Variants in GSE1 observed in about 807,000 individuals in gnomAD.
The protein encoded by GSE1 is Gse1 coiled-coil protein.
GSE1 carries 32 observed loss-of-function variants against 112.6 expected under a neutral mutation model. The observed-to-expected ratio is 0.28, with a 90% CI of 0.21 to 0.38. The LOEUF (loss-of-function observed/expected upper bound fraction) is 0.38, where lower values mean the gene tolerates loss of function less well. Among genes scored for constraint, GSE1 ranks in the 10% least tolerant of loss-of-function variants. The probability of loss-of-function intolerance (pLI) is 1.00; values close to 1 mark genes in which losing one functional copy is unlikely to be tolerated. For synonymous variants in GSE1, 1,115 were observed against 735.6 expected (o/e 1.52, Z -8.35); for missense variants, 2,348 against 1,699.2 (o/e 1.38, Z -6.71).
intron 1 of GSE1, chr16:85,594,219 G>A (rs1413617906): frequency 8.0e-5 from 8 of 100,060 alleles, no homozygotes; most frequent in Admixed American, 1.1e-4. Flanking sequence ...GCCTGGGCCC[G>A]ATCCCTGGGG....
chr16:85,175,595 C>T (rs560425670), intron 1 of GSE1, among the ~76,000 whole-genome samples: 24 of 152,202 alleles, frequency 1.6e-4, no homozygotes, highest in Non-Finnish European at 3.1e-4. Context: ...GCTGCTGGCG[C>T]GACGCTGGGT....
chr16:85,237,967 C>G (rs574931273), intron 1 of GSE1, among the ~76,000 whole-genome samples: 69 of 152,230 alleles, frequency 4.5e-4, no homozygotes, highest in African/African-American at 1.3e-3. Flanking sequence ...TTGCTCATCA[C>G]TAGTTGAATG....
At chr16:85,616,072 T>A (rs952348453) in intron 1 of GSE1, among the ~76,000 whole-genome samples, 3 of 152,230 alleles carry the variant, frequency 2.0e-5, no homozygotes, top group Admixed American at 1.3e-4. Flanking sequence ...AAGCCAAGCC[T>A]GCCTGTGGGC....
intron 1 of GSE1, among the ~76,000 whole-genome samples, chr16:85,336,610 T>A (rs2046491203): frequency 6.6e-6 from 1 of 152,032 alleles, no homozygotes; most frequent in African/African-American, 2.4e-5. Context: ...ACAATTTTTT[T>A]TTTTTTTTCG....
At chr16:85,641,309 G>A (rs374833918) in intron 2 of GSE1, among the ~76,000 whole-genome samples, 7 of 152,142 alleles carry the variant, frequency 4.6e-5, no homozygotes, top group East Asian at 3.9e-4. Flanking sequence ...CACATAATCC[G>A]CCCCCGGCAA....
chr16:85,614,657 C>T (rs1017000934), intron 1 of GSE1, among the ~76,000 whole-genome samples: 3 of 152,186 alleles, frequency 2.0e-5, no homozygotes, highest in Non-Finnish European at 2.9e-5. Context: ...GAGCACCTGC[C>T]GGGTTCCCAG....
intron 1 of GSE1, among the ~76,000 whole-genome samples, chr16:85,331,773 C>G (rs544322763): frequency 6.9e-6 from 1 of 145,136 alleles, no homozygotes; most frequent in African/African-American, 2.6e-5. Context: ...GTCTCAAACT[C>G]CTGACCTCAA....
intron 2 of GSE1, among the ~76,000 whole-genome samples, chr16:85,539,502 C>T (rs1324955636): frequency 6.6e-6 from 1 of 152,194 alleles, no homozygotes; most frequent in African/African-American, 2.4e-5. Flanking sequence ...CGAGCCAAGG[C>T]TATGAGTTGT....
At position 85,657,520 on chromosome 16, in the gene GSE1, G is replaced by C. The variant is rs755552118; in HGVS notation, c.1556G>C (p.Arg519Pro). The C allele has an allele frequency of 4.4e-6, 7 of 1,604,506 alleles. No individual in the cohort carries two copies. Among genetic ancestry groups the C allele is most frequent in the South Asian group, 2.2e-5 (2 of 90,064 alleles). Residue 519 changes from arginine to proline, a missense_variant, in exon 8 of 16, where the codon CGG becomes CCG. Arg to Pro is a moderately radical substitution (Grantham distance 103). Transcript: ENST00000253458. ...EDRQSQVSEF[R>P]QQVLEQHLDM... ...CGGCAGTCTCAGGTGTCCGAGTTCC[G>C]GCAGCAGGTGCTGGAGCAGCACCTG...
chr16:85,609,814 A>C (rs2047886858), upstream of GSE1, among the ~76,000 whole-genome samples: 1 of 152,052 alleles, frequency 6.6e-6, no homozygotes, highest in South Asian at 2.1e-4. Context: ...GCCACCATGC[A>C]GGGCTAATTT....
intron 1 of GSE1, among the ~76,000 whole-genome samples, chr16:85,255,023 G>A (rs1326496711): frequency 6.6e-6 from 1 of 152,248 alleles, no homozygotes; most frequent in Admixed American, 6.5e-5. Flanking sequence ...TGCCGCGGGC[G>A]GTCTCTGCAG....
intron 1 of GSE1, among the ~76,000 whole-genome samples, chr16:85,180,385 C>T (rs1253935708): frequency 6.6e-6 from 1 of 152,236 alleles, no homozygotes; most frequent in African/African-American, 2.4e-5. Flanking sequence ...GCCACGCTAT[C>T]CTGCCCATCA....
chr16:85,546,920 C>A (rs1483288439), intron 2 of GSE1, among the ~76,000 whole-genome samples: 1 of 152,210 alleles, frequency 6.6e-6, no homozygotes, highest in Non-Finnish European at 1.5e-5. Flanking sequence ...GGCAGATGGC[C>A]ACGTCCGATG....
intron 2 of GSE1, among the ~76,000 whole-genome samples, chr16:85,532,257 T>C (rs1477115939): frequency 2.0e-5 from 3 of 152,186 alleles, no homozygotes; most frequent in Non-Finnish European, 2.9e-5. Flanking sequence ...GTGGTAGAGC[T>C]GGGATCATTT....
intron 1 of GSE1, among the ~76,000 whole-genome samples, chr16:85,355,146 G>T (rs574771174): frequency 1.3e-5 from 2 of 152,290 alleles, no homozygotes; most frequent in African/African-American, 4.8e-5. Context: ...CAGAGCTGGT[G>T]GGGCCTGCGC....
rs764135404 is a variant in GSE1 at position 85,627,665 on chromosome 16, GCCCCCGGC to G, written c.8-6230_8-6223del. On this transcript the variant is annotated intron_variant, in intron 1 of 15. Coordinates refer to ENST00000253458, the MANE Select transcript of GSE1 (RefSeq NM_014615.5). Reference sequence around the variant, plus strand: ...AGAGAGCTTGTACAGTGCGGAGACAGCCCCCGGCCCCCCGGCCCCCCGGCCCTCATCCG... The same window carrying G: ...AGAGAGCTTGTACAGTGCGGAGACAGCCCCCGGCCCCCCGGCCCTCATCCG... 2.4e-3 allele frequency among the ~76,000 whole-genome samples: 368 copies of G among 151,940 alleles called. 1 individual carries two copies. Among genetic ancestry groups the G allele is most frequent in the African/African-American group, 3.9e-3 (162 of 41,372 alleles).
chr16:85,592,302 AC>A (rs1391810649), intron 1 of GSE1: 2 of 151,968 alleles, frequency 1.3e-5, no homozygotes, highest in Non-Finnish European at 2.9e-5. Context: ...AGCTGGGACC[AC>A]CATGCCCAGC....
rs527295399 is a variant in GSE1, at chr16:85,312,012, G to A, written c.2284-45451G>A. Among the ~76,000 whole-genome samples, 7 of 152,290 alleles carry A rather than the reference G, an allele frequency of 4.6e-5. No homozygotes were observed. The South Asian group carries it at 1.4e-3, about 32-fold the overall frequency. On this transcript the variant is annotated intron_variant, in intron 1 of 2. Transcript: ENST00000637419. Reference sequence around the variant, plus strand: ...TCCGTGCACACTGCTGGAGCAGCTGGGCCAGCTCGACCTCTGGGACCAGGG... The same window carrying A: ...TCCGTGCACACTGCTGGAGCAGCTGAGCCAGCTCGACCTCTGGGACCAGGG...
chr16:85,484,624 C>T (rs771830763), intron 2 of GSE1, among the ~76,000 whole-genome samples: 5 of 152,172 alleles, frequency 3.3e-5, no homozygotes, highest in Non-Finnish European at 5.9e-5. Flanking sequence ...TACGTGTCTC[C>T]TGAGGGAGGG....
Sources: gnomAD v4.1 joint callset for allele counts (sites outside exome capture counted in the v4.1 genomes callset) on GRCh38, gnomAD v4.1.1 for gene constraint, MANE v1.5 for transcripts, NCBI Gene and HGNC (gene_info 2026-07-23, HGNC 2026-07-21) for gene names.